The following USP49 variants were observed in gnomAD, a reference collection of about 807,000 sequenced individuals.
USP49 encodes ubiquitin specific peptidase 49.
USP49 carries 24 observed loss-of-function variants against 58.6 expected under a neutral mutation model. That is an observed-to-expected ratio of 0.41 (90% CI 0.30 to 0.58). The LOEUF (loss-of-function observed/expected upper bound fraction) is 0.58, where lower values mean the gene tolerates loss of function less well. Ranked by LOEUF, USP49 falls within the 20% of genes least tolerant of loss-of-function variation. The pLI, the probability that USP49 is intolerant of heterozygous loss-of-function variation, is 0.30. For missense variants in USP49, 703 were observed against 866.1 expected (o/e 0.81, Z 2.36); for synonymous variants, 408 against 365.1 (o/e 1.12, Z -1.34).
At position 41,796,394 on chromosome 6, in the gene USP49, C is replaced by A; in HGVS notation, c.*139G>T. On this transcript the variant is annotated 3_prime_UTR_variant, in exon 8 of 8. Coordinates refer to ENST00000682992, the MANE Select transcript of USP49 (RefSeq NM_001286554.2). ...AGACTATAAAATTTACGACAGGACA[C>A]GAATCACCTGGCACCTTCTACTCTA... 1 of 556,330 alleles carries A rather than the reference C, an allele frequency of 1.8e-6. No homozygotes were observed. Among genetic ancestry groups the A allele is most frequent in the Non-Finnish European group, 3.3e-6 (1 of 306,198 alleles). 34.5% of individuals were successfully genotyped at this position (556,330 alleles called of 1,614,324 possible).
At chr6:41,864,941 G>A (rs1426941763) in intron 3 of USP49, among the ~76,000 whole-genome samples, 3 of 151,914 alleles carry the variant, frequency 2.0e-5, no homozygotes, top group African/African-American at 7.3e-5. Context: ...AACTCACCAG[G>A]CAAAGAAAAT....
intron 3 of USP49, among the ~76,000 whole-genome samples, chr6:41,864,255 T>A (rs904906922): frequency 2.0e-5 from 3 of 152,166 alleles, no homozygotes; most frequent in African/African-American, 7.2e-5. Context: ...AAAAAGGGCA[T>A]AAATTCATAA....
Position 41,825,552 on chromosome 6 carries a change from C to G in USP49, c.-28-18541G>C, listed in dbSNP as rs1013574500. Reference sequence around the variant, plus strand: ...TAAATGTGCTGAACACTGTACATACCCATGAAATTATTATATCAGTGAGGT... The same window carrying G: ...TAAATGTGCTGAACACTGTACATACGCATGAAATTATTATATCAGTGAGGT... On this transcript the variant is annotated intron_variant, in intron 3 of 7. Transcript: ENST00000682992. 2.0e-5 allele frequency among the ~76,000 whole-genome samples: 3 copies of G among 152,082 alleles called. No individual in the cohort carries two copies. The South Asian group carries it at 6.2e-4, about 32-fold the overall frequency.
intron 2 of USP49, among the ~76,000 whole-genome samples, chr6:41,883,670 A>G (rs1179718225): frequency 6.6e-6 from 1 of 152,144 alleles, no homozygotes; most frequent in East Asian, 1.9e-4. Flanking sequence ...AAAATGAGAC[A>G]TTACTAAAAG....
At chr6:41,863,353 A>G (rs1287294009) in intron 3 of USP49, among the ~76,000 whole-genome samples, 1 of 152,170 alleles carries the variant, frequency 6.6e-6, no homozygotes, top group Non-Finnish European at 1.5e-5. Flanking sequence ...TCTTGAACCT[A>G]GTCACCCTCC....
intron 7 of USP49, among the ~76,000 whole-genome samples, 172 bp from the exon 8 acceptor site, chr6:41,796,895 C>T (rs866506215): frequency 6.6e-6 from 1 of 151,670 alleles, no homozygotes; most frequent in Admixed American, 6.6e-5. Flanking sequence ...TGTGTATCCA[C>T]TGGCTTTAAC....
chr6:41,885,566 G>A (rs1181500368), intron 2 of USP49, among the ~76,000 whole-genome samples: 1 of 151,892 alleles, frequency 6.6e-6, no homozygotes, highest in African/African-American at 2.4e-5. Context: ...CAATCCTCCC[G>A]CTCAAGTGGA....
intron 3 of USP49, among the ~76,000 whole-genome samples, chr6:41,856,726 T>A (rs1370915421): frequency 6.6e-6 from 1 of 152,210 alleles, no homozygotes; most frequent in Non-Finnish European, 1.5e-5. Flanking sequence ...GAGGTTTCAG[T>A]TACCTGTGGT....
intron 7 of USP49, 146 bp downstream of exon 7, chr6:41,798,578 A>G (rs1388214267): frequency 1.0e-5 from 16 of 1,562,090 alleles, no homozygotes; most frequent in Non-Finnish European, 1.4e-5. Context: ...GCCCAACCCA[A>G]TTTTCACAAT....
intron 2 of USP49, among the ~76,000 whole-genome samples, chr6:41,874,994 AAGAG>A (rs921762697): frequency 1.3e-5 from 2 of 151,714 alleles, no homozygotes; most frequent in East Asian, 3.9e-4. Flanking sequence ...GAAAGAAAGA[AAGAG>A]AGAGAGAGAA....
intron 3 of USP49, among the ~76,000 whole-genome samples, chr6:41,846,180 G>A (rs1189168470): frequency 2.0e-5 from 3 of 152,086 alleles, no homozygotes; most frequent in African/African-American, 2.4e-5. Context: ...TCCAGGCATG[G>A]TAGCCTGCAC....
intron 3 of USP49, among the ~76,000 whole-genome samples, chr6:41,850,052 C>T (rs1773997085): frequency 6.6e-6 from 1 of 152,080 alleles, no homozygotes; most frequent in Non-Finnish European, 1.5e-5. Flanking sequence ...TTAGAAAATA[C>T]CTTGAGACAA....
At chr6:41,797,320 C>G (rs188195321) in intron 7 of USP49, among the ~76,000 whole-genome samples, 283 of 152,120 alleles carry the variant, frequency 1.9e-3, no homozygotes, top group African/African-American at 6.0e-3. Context: ...CTAGGGCCTT[C>G]TAGAAAGAGC....
At chr6:41,802,417 ATTTTATTTTAT>A (rs1561902517) in intron 5 of USP49, among the ~76,000 whole-genome samples, 195 of 97,132 alleles carry the variant, frequency 2.0e-3, no homozygotes, top group African/African-American at 6.7e-3. Context: ...TTTTTATTTT[ATTTTATTTTAT>A]TTTATTTATT....
At position 41,853,999 on chromosome 6, in the gene USP49, C is replaced by CAAAAAAAAAAAAAAAA. The variant is rs752353657; in HGVS notation, c.-29+17564_-29+17565insTTTTTTTTTTTTTTTT. On this transcript the variant is annotated intron_variant, in intron 3 of 7. Transcript: ENST00000682992. ...GGGCAACAACAGCGAGACTCTGTCT[C>CAAAAAAAAAAAAAAAA]GAAAAAAAAAAAAAAAAAAAAAAAG... Among the ~76,000 whole-genome samples the CAAAAAAAAAAAAAAAA allele has an allele frequency of 3.4e-5, 2 of 58,870 alleles. 1 individual carries two copies. The allele number at this position is 58,870 out of a possible 152,430, so 38.6% of individuals were successfully genotyped here.
In USP49 at chr6:41,806,549, G is replaced by T; in HGVS notation, c.435C>A (p.Tyr145Ter). 6.2e-7 allele frequency: 1 copy of T among 1,601,662 alleles called. No individual in the cohort carries two copies. The change falls in exon 4 of 8, where the codon TAC (tyrosine) becomes TAA (stop). Residue 145 changes from tyrosine to a stop codon, truncating the protein, a stop_gained. Coordinates refer to ENST00000682992, the MANE Select transcript of USP49 (RefSeq NM_001286554.2). LOFTEE classifies it high-confidence loss of function. The surrounding 1 kb of genome is among the most constrained non-coding windows in gnomAD (Gnocchi z 5.9). ...TCCTGGCCAGCAGGCGCTGACGCCGGTACCACAGAGCCGTGAGCATCTGCG... is the reference window on the plus strand; with the variant it reads ...TCCTGGCCAGCAGGCGCTGACGCCGTTACCACAGAGCCGTGAGCATCTGCG... ...GQPQMLTALW[Y>*]RRQRLLARTL...
intron 3 of USP49, among the ~76,000 whole-genome samples, chr6:41,825,781 A>C (rs1773528208): frequency 6.6e-6 from 1 of 152,202 alleles, no homozygotes; most frequent in Non-Finnish European, 1.5e-5. Flanking sequence ...AAGACAGCCT[A>C]CCATTGAATG....
rs143270946 is a variant in USP49 at position 41,818,746 on chromosome 6, G to A, written c.-28-11735C>T. Among the ~76,000 whole-genome samples, 28 of 152,266 alleles carry A rather than the reference G, an allele frequency of 1.8e-4. No homozygotes were observed. In the East Asian group the frequency reaches 4.4e-3, roughly 24 times the overall value. ...CAATGGAAGAAAGATGTCACTCACAGGCCAGAATTTTTCTTAAGCCAAGAA... is the reference window on the plus strand; with the variant it reads ...CAATGGAAGAAAGATGTCACTCACAAGCCAGAATTTTTCTTAAGCCAAGAA... On this transcript the variant is annotated intron_variant, in intron 3 of 7. Coordinates refer to ENST00000682992, the MANE Select transcript of USP49 (RefSeq NM_001286554.2).
chr6:41,807,543 C>T (rs1480478989), intron 3 of USP49, among the ~76,000 whole-genome samples: 1 of 152,056 alleles, frequency 6.6e-6, no homozygotes, highest in Admixed American at 6.6e-5. Context: ...CGGGCTCAAG[C>T]GATTCTCCCA....
Sources: gnomAD v4.1 joint callset for allele counts (sites outside exome capture counted in the v4.1 genomes callset) on GRCh38, gnomAD v4.1.1 for gene constraint, Gnocchi (gnomAD v3.1) non-coding constraint, MANE v1.5 for transcripts, NCBI Gene and HGNC (gene_info 2026-07-23, HGNC 2026-07-21) for gene names.